The following SLC35F4 variants were observed in gnomAD, a reference collection of about 807,000 sequenced individuals.
SLC35F4 encodes the protein solute carrier family 35 member F4.
In SLC35F4, 24 loss-of-function variants were observed where a neutral mutation model predicts 44.2. The ratio of observed to expected loss-of-function variants is 0.54; its 90% CI spans 0.39 to 0.76. The LOEUF (loss-of-function observed/expected upper bound fraction) is 0.76. Among genes scored for constraint, SLC35F4 ranks in the 30% least tolerant of loss-of-function variants. The pLI is 0.00. For missense variants in SLC35F4, 562 were observed against 586.1 expected (o/e 0.96, Z 0.42); for synonymous variants, 238 against 223.6 (o/e 1.06, Z -0.57).
At chr14:57,614,222 T>A (rs1276634454) in intron 1 of SLC35F4, among the ~76,000 whole-genome samples, 1 of 152,176 alleles carries the variant, frequency 6.6e-6, no homozygotes, top group Non-Finnish European at 1.5e-5. Flanking sequence ...AAATATTGAA[T>A]AAAAATGGTT....
At chr14:57,657,015 C>G (rs1369258784) in intron 1 of SLC35F4, among the ~76,000 whole-genome samples, 1 of 152,340 alleles carries the variant, frequency 6.6e-6, no homozygotes, top group East Asian at 1.9e-4. Context: ...GGCACTTACA[C>G]GTGGCAGGTC....
intron 1 of SLC35F4, among the ~76,000 whole-genome samples, chr14:57,964,873 C>T (rs895347454): frequency 1.3e-5 from 2 of 151,156 alleles, no homozygotes; most frequent in East Asian, 3.9e-4. Context: ...TATAAATATT[C>T]TTAGCACACA....
chr14:57,883,838 A>T, intron 1 of SLC35F4, among the ~76,000 whole-genome samples: 1 of 152,202 alleles, frequency 6.6e-6, no homozygotes, highest in East Asian at 1.9e-4. Context: ...GTTTCACTTC[A>T]GCTATTCACC....
chr14:57,609,668 C>G (rs981186558), intron 1 of SLC35F4, among the ~76,000 whole-genome samples: 2 of 152,204 alleles, frequency 1.3e-5, no homozygotes, highest in East Asian at 1.9e-4. Flanking sequence ...TATGCATGCT[C>G]TCCTCTCGAA....
In SLC35F4 at chr14:57,789,375, C is replaced by A. The variant is rs146078474; in HGVS notation, c.103+76348G>T. Among the ~76,000 whole-genome samples, 843 of 152,244 alleles carry A rather than the reference C, an allele frequency of 5.5e-3. 7 individuals carry two copies. The highest frequency in any genetic ancestry group is 0.019 in the African/African-American group (795 of 41,542). On this transcript the variant is annotated intron_variant, in intron 1 of 7. Coordinates refer to ENST00000556826, the MANE Select transcript of SLC35F4 (RefSeq NM_001306087.2). ...AGAGAATACCATAAACACTTCTATG[C>A]AAATAAACTAGAAAATCTAGAAGAA...
intron 1 of SLC35F4, among the ~76,000 whole-genome samples, chr14:57,750,430 G>A (rs889881387): frequency 6.6e-6 from 1 of 152,054 alleles, no homozygotes; most frequent in Admixed American, 6.5e-5. Flanking sequence ...TGGATCAAAT[G>A]GTAATTCTAT....
chr14:57,817,263 C>T (rs1882701050), intron 1 of SLC35F4, among the ~76,000 whole-genome samples: 1 of 152,182 alleles, frequency 6.6e-6, no homozygotes. Flanking sequence ...ATGTCTTAAC[C>T]AGTGCCCTGA....
chr14:57,583,772 C>CACTTGTGTAAAATCCCATACTAT (rs1165482794), intron 3 of SLC35F4, among the ~76,000 whole-genome samples: 1 of 152,034 alleles, frequency 6.6e-6, no homozygotes, highest in African/African-American at 2.4e-5. Context: ...AATGCCAGGT[C>CACTTGTGTAAAATCCCATACTAT]ACTTGTGTAA....
chr14:57,742,081 C>G (rs1479283107), intron 1 of SLC35F4, among the ~76,000 whole-genome samples: 1 of 152,108 alleles, frequency 6.6e-6, no homozygotes, highest in Non-Finnish European at 1.5e-5. Context: ...AAGCACTAAA[C>G]ATGGAAAGGA....
chr14:57,695,776 AT>A (rs1210985705), intron 1 of SLC35F4, among the ~76,000 whole-genome samples: 1 of 152,152 alleles, frequency 6.6e-6, no homozygotes, highest in East Asian at 1.9e-4. Context: ...CAACCTAAAT[AT>A]CCAACAATGA....
chr14:57,863,820 G>A (rs1887884615), intron 1 of SLC35F4, among the ~76,000 whole-genome samples: 1 of 152,138 alleles, frequency 6.6e-6, no homozygotes, highest in Admixed American at 6.5e-5. Context: ...GAGATTCTCT[G>A]CCTTCACTCT....
chr14:57,759,080 G>T (rs2077062863), intron 1 of SLC35F4, among the ~76,000 whole-genome samples: 1 of 152,020 alleles, frequency 6.6e-6, no homozygotes, highest in African/African-American at 2.4e-5. Context: ...CTTTTTTAAG[G>T]CTGAATAATA....
intron 1 of SLC35F4, among the ~76,000 whole-genome samples, chr14:57,789,924 G>A (rs1029762458): frequency 3.9e-5 from 6 of 152,094 alleles, no homozygotes; most frequent in African/African-American, 1.4e-4. Flanking sequence ...ATGCAGAAAA[G>A]GCCTTTGATA....
chr14:57,720,202 A>G (rs781360984), intron 1 of SLC35F4, among the ~76,000 whole-genome samples: 1 of 152,130 alleles, frequency 6.6e-6, no homozygotes, highest in African/African-American at 2.4e-5. Context: ...ATGATGAATA[A>G]TTTTTATAAT....
intron 1 of SLC35F4, among the ~76,000 whole-genome samples, chr14:57,966,557 C>T (rs1890441866): frequency 6.6e-6 from 1 of 152,204 alleles, no homozygotes; most frequent in African/African-American, 2.4e-5. Context: ...TATTATATCA[C>T]TGCTGACAAA....
At chr14:57,944,074 C>A (rs1037257737) in intron 1 of SLC35F4, among the ~76,000 whole-genome samples, 1 of 150,506 alleles carries the variant, frequency 6.6e-6, no homozygotes, top group Admixed American at 6.6e-5. Flanking sequence ...GTCCTCCACA[C>A]GAGCTCCACA....
rs2074438365 is a variant in SLC35F4, at chr14:57,669,525, GA to G, written c.104-75402del. Among the ~76,000 whole-genome samples, 2 of 151,990 alleles carry G rather than the reference GA, an allele frequency of 1.3e-5. 1 individual carries two copies. Among genetic ancestry groups the G allele is most frequent in the African/African-American group, 4.8e-5 (2 of 41,298 alleles). On this transcript the variant is annotated intron_variant, in intron 1 of 7. Coordinates refer to ENST00000556826, the MANE Select transcript of SLC35F4 (RefSeq NM_001306087.2). ...GTCCCATCAATACCTAATTTATTGA[GA>G]TTTTTTAGCATGAAGGGCAGTTGAA...
At chr14:57,846,645 C>T (rs1346735681) in intron 1 of SLC35F4, among the ~76,000 whole-genome samples, 1 of 152,178 alleles carries the variant, frequency 6.6e-6, no homozygotes, top group African/African-American at 2.4e-5. Flanking sequence ...CATGAGATCA[C>T]ATGCCAAGAC....
intron 4 of SLC35F4, chr14:57,578,557 A>G (rs2068990613): frequency 6.6e-6 from 1 of 151,974 alleles, no homozygotes; most frequent in African/African-American, 2.4e-5. Flanking sequence ...AATGCTGAAT[A>G]TGTTTCAGTG....
Sources: allele counts gnomAD v4.1 joint callset (sites outside exome capture counted in the v4.1 genomes callset), GRCh38; gene constraint gnomAD v4.1.1; transcripts MANE v1.5; gene names NCBI Gene and HGNC (gene_info 2026-07-23, HGNC 2026-07-21).